SP140L: variants seen among roughly 807,000 people sequenced by gnomAD.
The protein encoded by SP140L is SP140 like nuclear body protein, also known as nuclear body protein SP140-like protein.
A neutral mutation model predicts 84.3 loss-of-function variants in SP140L; 64 were observed. That is an observed-to-expected ratio of 0.76 (90% CI 0.62 to 0.94). The LOEUF (loss-of-function observed/expected upper bound fraction) is 0.94, where lower values mean the gene tolerates loss of function less well. Ranked by LOEUF, SP140L falls within the 40% of genes least tolerant of loss-of-function variation. The pLI is 0.00. For missense variants in SP140L, 628 were observed against 692.5 expected (o/e 0.91, Z 1.05); for synonymous variants, 242 against 236.9 (o/e 1.02, Z -0.20).
At chr2:230,390,216 C>T (rs1482923764) in intron 11 of SP140L, among the ~76,000 whole-genome samples, 193 bp downstream of exon 11, 1 of 152,208 alleles carries the variant, frequency 6.6e-6, no homozygotes, top group Non-Finnish European at 1.5e-5. Context: ...CTGACTCGCA[C>T]ATGGAGTGTC....
At chr2:230,369,702 T>C (rs1271789930) in intron 5 of SP140L, among the ~76,000 whole-genome samples, 1 of 152,196 alleles carries the variant, frequency 6.6e-6, no homozygotes, top group African/African-American at 2.4e-5. Context: ...TGATTAGTGA[T>C]ATAAGTAATC....
intron 2 of SP140L, among the ~76,000 whole-genome samples, chr2:230,355,291 A>G (rs1404718128): frequency 6.6e-6 from 1 of 152,182 alleles, no homozygotes; most frequent in Non-Finnish European, 1.5e-5. Context: ...TTTCAAACCA[A>G]TCATATCTCC....
chr2:230,370,306 C>T (rs1042490216), intron 5 of SP140L, among the ~76,000 whole-genome samples: 10 of 152,046 alleles, frequency 6.6e-5, no homozygotes, highest in Non-Finnish European at 1.5e-4. Flanking sequence ...TCCAGCATCA[C>T]AGCACTGGGA....
At chr2:230,345,676 T>G (rs1477307543) in intron 2 of SP140L, among the ~76,000 whole-genome samples, 1 of 152,012 alleles carries the variant, frequency 6.6e-6, no homozygotes, top group East Asian at 1.9e-4. Context: ...TCCTTTGTGG[T>G]TACTGTGAGG....
chr2:230,350,749 G>C (rs560991098), intron 2 of SP140L, among the ~76,000 whole-genome samples: 42 of 152,248 alleles, frequency 2.8e-4, no homozygotes, highest in African/African-American at 8.7e-4. Context: ...TATGGGGGCA[G>C]GATGGGGGAT....
At chr2:230,370,865 G>A in intron 5 of SP140L, 43 bp from the exon 6 acceptor site, 17 of 1,597,240 alleles carry the variant, frequency 1.1e-5, no homozygotes, top group Non-Finnish European at 1.5e-5. Flanking sequence ...AGAGCGACCA[G>A]CATGTGAAAA....
intron 11 of SP140L, among the ~76,000 whole-genome samples, chr2:230,390,807 G>A (rs1272440648): frequency 2.6e-5 from 4 of 151,978 alleles, no homozygotes; most frequent in Admixed American, 1.3e-4. Flanking sequence ...GGATTGTACA[G>A]CCATTATTAT....
At chr2:230,396,833 A>T (rs769111687) in intron 14 of SP140L, 35 bp downstream of exon 14, 1 of 1,610,772 alleles carries the variant, frequency 6.2e-7, no homozygotes, top group South Asian at 1.1e-5. Context: ...CCCCCAGAAT[A>T]TTCCACTTCT....
chr2:230,397,959 C>A (rs888078994), intron 14 of SP140L, among the ~76,000 whole-genome samples: 1 of 152,128 alleles, frequency 6.6e-6, no homozygotes, highest in Admixed American at 6.6e-5. Context: ...GGTATGGTCA[C>A]CCCTATTAAT....
intron 2 of SP140L, among the ~76,000 whole-genome samples, chr2:230,345,754 T>C (rs1419990714): frequency 6.6e-6 from 1 of 152,158 alleles, no homozygotes; most frequent in Admixed American, 6.5e-5. Context: ...CATATAAAAC[T>C]CTACACTTTT....
intron 8 of SP140L, 22 bp from the exon 9 acceptor site, chr2:230,385,202 A>G (rs1337556059): frequency 6.2e-7 from 1 of 1,612,134 alleles, no homozygotes; most frequent in African/African-American, 1.3e-5. Context: ...CTATTAATAC[A>G]TTTTCCCTTG....
intron 2 of SP140L, among the ~76,000 whole-genome samples, chr2:230,333,516 T>C (rs2059783767): frequency 6.6e-6 from 1 of 152,192 alleles, no homozygotes; most frequent in African/African-American, 2.4e-5. Flanking sequence ...TCTGAAACTT[T>C]CTGGCTCATC....
rs531170356 is a variant in SP140L, at chr2:230,360,521, T to C, written c.440-1093T>C. Among the ~76,000 whole-genome samples the C allele has an allele frequency of 3.2e-4, 48 of 152,276 alleles. 1 individual carries two copies. Among genetic ancestry groups the C allele is most frequent in the Admixed American group, 2.7e-3 (42 of 15,308 alleles). On this transcript the variant is annotated intron_variant, in intron 4 of 18. Coordinates refer to ENST00000415673, the MANE Select transcript of SP140L (RefSeq NM_138402.6). ...AAAGTGAATAAAAGGAAATCACATA[T>C]CTGGGCACAAATTTCGAGTCAATGT...
chr2:230,391,014 T>C (rs1333344008), intron 11 of SP140L, among the ~76,000 whole-genome samples: 1 of 152,230 alleles, frequency 6.6e-6, no homozygotes, highest in Non-Finnish European at 1.5e-5. Context: ...CTGGCTGCTT[T>C]TAATCAGCAT....
chr2:230,393,560 A>C, intron 13 of SP140L, 99 bp downstream of exon 13: 1 of 1,347,976 alleles, frequency 7.4e-7, no homozygotes, highest in Non-Finnish European at 9.7e-7. Flanking sequence ...AACTATAATT[A>C]AGCTTTCACC....
intron 2 of SP140L, among the ~76,000 whole-genome samples, chr2:230,341,598 C>T: frequency 6.7e-6 from 1 of 149,922 alleles, no homozygotes; most frequent in Admixed American, 6.6e-5. Context: ...TTTTTCTGTT[C>T]TGTTTTTTCC....
At chr2:230,362,326 C>G (rs2149742196) in intron 5 of SP140L, among the ~76,000 whole-genome samples, 1 of 152,236 alleles carries the variant, frequency 6.6e-6, no homozygotes, top group Non-Finnish European at 1.5e-5. Flanking sequence ...TTTAGGAGCT[C>G]TGGCCAGGAG....
intron 5 of SP140L, 24 bp downstream of exon 5, chr2:230,361,721 G>C (rs775946533): frequency 9.4e-5 from 144 of 1,524,004 alleles, no homozygotes; most frequent in Non-Finnish European, 1.2e-4. Context: ...AATAAAAACG[G>C]TTTCTCATCC....
intron 9 of SP140L, among the ~76,000 whole-genome samples, chr2:230,387,171 G>A (rs6436930): frequency 6.6e-6 from 1 of 151,934 alleles, no homozygotes; most frequent in Non-Finnish European, 1.5e-5. Context: ...ATTAACATGC[G>A]TCTTGGAGAA....
Sources: allele counts gnomAD v4.1 joint callset (sites outside exome capture counted in the v4.1 genomes callset), GRCh38; gene constraint gnomAD v4.1.1; transcripts MANE v1.5; gene names NCBI Gene and HGNC (gene_info 2026-07-23, HGNC 2026-07-21).